Variants in LRRIQ4 observed in about 807,000 individuals in gnomAD.
LRRIQ4 encodes the protein leucine rich repeats and IQ motif containing 4, also known as leucine-rich repeat and IQ domain-containing protein 4.
In LRRIQ4, 21 loss-of-function variants were observed where a neutral mutation model predicts 40.1. The ratio of observed to expected loss-of-function variants is 0.52; its 90% CI spans 0.37 to 0.75. The LOEUF (loss-of-function observed/expected upper bound fraction) is 0.75, where lower values mean the gene tolerates loss of function less well. Ranked by LOEUF, LRRIQ4 falls within the 30% of genes least tolerant of loss-of-function variation. The pLI, the probability that LRRIQ4 is intolerant of heterozygous loss-of-function variation, is 0.00. For missense variants in LRRIQ4, 655 were observed against 660.0 expected (o/e 0.99, Z 0.08); for synonymous variants, 277 against 277.1 (o/e 1.00, Z 0.00).
chr3:169,832,574 G>A (rs761801938), intron 4 of LRRIQ4, among the ~76,000 whole-genome samples: 12 of 147,220 alleles, frequency 8.2e-5, no homozygotes, highest in Non-Finnish European at 1.8e-4. Context: ...AGAGGTTGTA[G>A]TGAGCTCAGA....
chr3:169,836,123 GA>G (rs1380475368), intron 5 of LRRIQ4, among the ~76,000 whole-genome samples: 2 of 151,506 alleles, frequency 1.3e-5, no homozygotes, highest in African/African-American at 4.9e-5. Flanking sequence ...TAGTAGGAGG[GA>G]AATAAAAGCA....
intron 5 of LRRIQ4, among the ~76,000 whole-genome samples, chr3:169,834,518 G>A (rs1780262893): frequency 6.6e-6 from 1 of 152,172 alleles, no homozygotes; most frequent in African/African-American, 2.4e-5. Context: ...TTGGCCACAA[G>A]TTTAAATCAT....
At chr3:169,821,130 G>A (rs1436191602) in intron 1 of LRRIQ4, among the ~76,000 whole-genome samples, 1 of 152,164 alleles carries the variant, frequency 6.6e-6, no homozygotes, top group African/African-American at 2.4e-5. Flanking sequence ...GAAAAGGTTG[G>A]TGCATCTCTA....
intron 2 of LRRIQ4, among the ~76,000 whole-genome samples, chr3:169,825,227 C>G (rs1477978090): frequency 6.6e-6 from 1 of 152,046 alleles, no homozygotes; most frequent in Non-Finnish European, 1.5e-5. Flanking sequence ...AGGCTGGTCT[C>G]AAACTCCTGA....
intron 1 of LRRIQ4, among the ~76,000 whole-genome samples, chr3:169,821,110 T>C (rs550562091): frequency 1.3e-5 from 2 of 152,390 alleles, no homozygotes; most frequent in South Asian, 4.1e-4. Flanking sequence ...CACGGGTCTC[T>C]AGTTATTTAG....
In LRRIQ4 at chr3:169,828,759, T is replaced by A; in HGVS notation, c.1021T>A (p.Leu341Ile). Reference sequence around the variant, plus strand: ...ACTTATCTTTTTGGAATACTTCTAGTTACCTTCAGAATTGGGCTCACTTTC... The same window carrying A: ...ACTTATCTTTTTGGAATACTTCTAGATACCTTCAGAATTGGGCTCACTTTC... ...LGLDDNKIGQ[L>I]PSELGSLSKL... The change falls in exon 3 of 6, where the codon TTA becomes ATA. Residue 341 changes from leucine to isoleucine, a missense_variant and splice_region_variant. Leu to Ile is a conservative substitution (Grantham distance 5). Coordinates refer to ENST00000340806, the MANE Select transcript of LRRIQ4 (RefSeq NM_001080460.3). 1 of 1,610,178 alleles carries A rather than the reference T, an allele frequency of 6.2e-7. No homozygotes were observed. The highest frequency in any genetic ancestry group is 8.5e-7 in the Non-Finnish European group (1 of 1,178,884).
intron 1 of LRRIQ4, among the ~76,000 whole-genome samples, chr3:169,813,471 C>T (rs1049347322): frequency 1.2e-4 from 19 of 152,054 alleles, no homozygotes; most frequent in East Asian, 9.6e-4. Context: ...TTTCCTTATC[C>T]CCCTTGCAGG....
intron 3 of LRRIQ4, among the ~76,000 whole-genome samples, chr3:169,829,310 G>A (rs966087483): frequency 1.1e-4 from 16 of 151,996 alleles, no homozygotes; most frequent in African/African-American, 3.9e-4. Flanking sequence ...CCTACATTTT[G>A]GTGCCCAGGA....
chr3:169,828,834 G>A lies in LRRIQ4; in HGVS notation c.1096G>A (p.Glu366Lys). ...LTGNEFLSFP[E>K]EVLSLASLEK... ...AGGAAATGAGTTCCTTTCCTTTCCG[G>A]AGGAAGTCCTTTCTTTAGCGTCTTT... Residue 366 changes from glutamate to lysine, a missense_variant, in exon 3 of 6, where the codon GAG (glutamate) becomes AAG (lysine). Physicochemically the swap from Glu to Lys is moderately conservative, Grantham distance 56 (BLOSUM62 1). Transcript: ENST00000340806. The A allele has an allele frequency of 6.2e-7, 1 of 1,613,800 alleles. No individual in the cohort carries two copies.
Position 169,822,887 on chromosome 3 carries a change from C to G in LRRIQ4, c.966C>G (p.Ile322Met), listed in dbSNP as rs13082402. The change falls in exon 2 of 6, where the codon ATC becomes ATG. Residue 322 changes from isoleucine (I) to methionine (M), a missense_variant. Transcript: ENST00000340806. ...QNHLHHCPLQ[I>M]CALKNLEVLG... is the part of the protein sequence containing the mutation. ...ATCTGCACCACTGCCCGCTGCAGAT[C>G]TGTGCACTGAAGAACCTTGAAGTCC... 6.3e-7 allele frequency: 1 copy of G among 1,592,788 alleles called. No individual in the cohort carries two copies.
intron 5 of LRRIQ4, 45 bp from the exon 6 acceptor site, chr3:169,837,434 T>C (rs1780332342): frequency 1.3e-6 from 2 of 1,568,978 alleles, no homozygotes; most frequent in Non-Finnish European, 1.7e-6. Context: ...TTCCAGTTCA[T>C]TGTGATACCA....
rs193096736 is a variant in LRRIQ4, at chr3:169,832,587, A to G, written c.1334-400A>G. Among the ~76,000 whole-genome samples, 733 of 145,792 alleles carry G rather than the reference A, an allele frequency of 5.0e-3. 12 individuals carry two copies. The highest frequency in any genetic ancestry group is 0.018 in the African/African-American group (706 of 39,644). ...GCAGAGGTTGTAGTGAGCTCAGATC[A>G]TGCCACTGTACTCCAGCCTGGGCAA... On this transcript the variant is annotated intron_variant, in intron 4 of 5. Transcript: ENST00000340806.
chr3:169,822,117 G>C lies in LRRIQ4; in HGVS notation c.196G>C (p.Glu66Gln). The C allele has an allele frequency of 6.2e-7, 1 of 1,612,092 alleles. No individual in the cohort carries two copies. Among genetic ancestry groups the C allele is most frequent in the Non-Finnish European group, 8.5e-7 (1 of 1,179,500 alleles). ...ENNQIEEIPQ[E>Q]IQRLKNIRVL... ...TAACCAGATTGAAGAAATTCCCCAGGAGATTCAGCGTTTAAAGAACATCAG... is the reference window on the plus strand; with the variant it reads ...TAACCAGATTGAAGAAATTCCCCAGCAGATTCAGCGTTTAAAGAACATCAG... The change falls in exon 2 of 6, where the codon GAG becomes CAG. Residue 66 changes from glutamate (E) to glutamine (Q), a missense_variant. Glu to Gln is a conservative substitution (Grantham distance 29). Transcript: ENST00000340806.
intron 1 of LRRIQ4, among the ~76,000 whole-genome samples, chr3:169,814,751 C>T (rs1779729694): frequency 6.6e-6 from 1 of 152,184 alleles, no homozygotes; most frequent in Non-Finnish European, 1.5e-5. Flanking sequence ...GCCCAAAGTG[C>T]TGGGATTACA....
rs555932956 is a variant in LRRIQ4 at position 169,829,060 on chromosome 3, A to G, written c.1194+128A>G. 3.5e-5 allele frequency: 28 copies of G among 804,678 alleles called. No homozygotes were observed. In the African/African-American group the frequency reaches 4.6e-4, roughly 13 times the overall value. The allele number at this position is 804,678 out of a possible 1,614,324, so 49.8% of individuals were successfully genotyped here. A position where few individuals can be genotyped will look rare whatever the true frequency, so the allele number is the denominator to read the frequency against. ...ATCCATACTAGATTTCCAGCTTCAG[A>G]CAAGCAATCATTTTTACATTTTGAG... On this transcript the variant is annotated intron_variant, in intron 3 of 5. Coordinates refer to ENST00000340806, the MANE Select transcript of LRRIQ4 (RefSeq NM_001080460.3).
chr3:169,830,455 C>T, intron 3 of LRRIQ4, 37 bp from the exon 4 acceptor site: 1 of 1,012,996 alleles, frequency 9.9e-7, no homozygotes, highest in Non-Finnish European at 1.3e-6. Context: ...ATTAATTAAT[C>T]AAGGTATATT....
intron 1 of LRRIQ4, among the ~76,000 whole-genome samples, chr3:169,820,608 C>T (rs1009386400): frequency 2.7e-5 from 4 of 147,806 alleles, no homozygotes; most frequent in African/African-American, 5.0e-5. Flanking sequence ...GCGATCTCGG[C>T]TTACTGCAAG....
rs55800037 is a variant in LRRIQ4, at chr3:169,820,249, C to CTGTGTGTG, written c.-31-1606_-31-1599dup. ...TGTTCTCTGCCTTTCCCCATAGACT[C>CTGTGTGTG]TGTGTGTGTGTGTGTGTGTGTGTGT... is the stretch of plus-strand genomic sequence containing the variant. On this transcript the variant is annotated intron_variant, in intron 1 of 5. Transcript: ENST00000340806. Among the ~76,000 whole-genome samples the CTGTGTGTG allele has an allele frequency of 5.4e-3, 781 of 143,762 alleles. 7 individuals are homozygous for CTGTGTGTG. The highest frequency in any genetic ancestry group is 0.011 in the Middle Eastern group (3 of 280). 94.3% of individuals were successfully genotyped at this position (143,762 alleles called of 152,430 possible).
intron 5 of LRRIQ4, among the ~76,000 whole-genome samples, chr3:169,835,180 C>T (rs1780278230): frequency 6.6e-6 from 1 of 152,174 alleles, no homozygotes; most frequent in Non-Finnish European, 1.5e-5. Context: ...TCATGCATCT[C>T]TGAGCTTCTT....
Sources: allele counts gnomAD v4.1 joint callset (sites outside exome capture counted in the v4.1 genomes callset), GRCh38; gene constraint gnomAD v4.1.1; transcripts MANE v1.5; gene names NCBI Gene and HGNC (gene_info 2026-07-23, HGNC 2026-07-21).